MACROD2: variants seen among roughly 807,000 people sequenced by gnomAD.
MACROD2 encodes ADP-ribose glycohydrolase MACROD2.
MACROD2 carries 36 observed loss-of-function variants against 70.4 expected under a neutral mutation model. The observed-to-expected ratio is 0.51, with a 90% CI of 0.39 to 0.68. The LOEUF is 0.68. Ranked by LOEUF, MACROD2 falls within the 30% of genes least tolerant of loss-of-function variation. MACROD2 has a pLI of 0.00. For synonymous variants in MACROD2, 172 were observed against 178.8 expected, an observed-to-expected ratio of 0.96 and a Z score of 0.30; for missense variants, 496 against 538.4, an observed-to-expected ratio of 0.92 and a Z score of 0.78.
At chr20:15,147,429 ATTTTT>A (rs11469255) in intron 5 of MACROD2, among the ~76,000 whole-genome samples, 39 of 149,256 alleles carry the variant, frequency 2.6e-4, no homozygotes, top group East Asian at 1.4e-3. Context: ...CGGAGTTAGC[ATTTTT>A]TTTTTTTTTT....
chr20:15,999,170 A>G (rs2066675148), intron 15 of MACROD2, among the ~76,000 whole-genome samples: 2 of 151,936 alleles, frequency 1.3e-5, no homozygotes, highest in South Asian at 4.2e-4. Context: ...GCATCTTGTA[A>G]GTTTTGTTAT....
chr20:14,384,939 G>A (rs1258438904), intron 3 of MACROD2, among the ~76,000 whole-genome samples: 1 of 152,014 alleles, frequency 6.6e-6, no homozygotes, highest in African/African-American at 2.4e-5. Flanking sequence ...TTATAAATCA[G>A]GAATGCAGGT....
chr20:14,741,037 ATAAT>A (rs1047833036), intron 5 of MACROD2, among the ~76,000 whole-genome samples: 8 of 152,218 alleles, frequency 5.3e-5, no homozygotes, highest in African/African-American at 7.2e-5. Flanking sequence ...TCATCCAGAA[ATAAT>A]TAATCTGACT....
rs144923769 is a variant in MACROD2 at position 14,683,508 on chromosome 20, G to A, written c.302-1335G>A. On this transcript the variant is annotated intron_variant, in intron 4 of 17. Coordinates refer to ENST00000684519, the MANE Select transcript of MACROD2 (RefSeq NM_001351661.2). ...AATTTATTTTTTTGTGAGTGTCTTT[G>A]AGGTTGAGGATCATTGTCAAACTTT... Among the ~76,000 whole-genome samples the A allele has an allele frequency of 6.5e-3, 990 of 152,258 alleles. 6 individuals are homozygous for A. The highest frequency in any genetic ancestry group is 7.9e-3 in the Non-Finnish European group (534 of 68,014).
intron 3 of MACROD2, among the ~76,000 whole-genome samples, chr20:14,404,634 AC>A (rs2083674178): frequency 6.6e-6 from 1 of 152,126 alleles, no homozygotes; most frequent in African/African-American, 2.4e-5. Flanking sequence ...ACCCTGAAAA[AC>A]CTTAGTGGAA....
intron 4 of MACROD2, among the ~76,000 whole-genome samples, chr20:14,505,907 T>C (rs1248015254): frequency 6.6e-6 from 1 of 152,244 alleles, no homozygotes; most frequent in Non-Finnish European, 1.5e-5. Flanking sequence ...TTTAGTACTC[T>C]TAACATCTAA....
At chr20:14,229,431 C>T (rs2081779158) in intron 3 of MACROD2, among the ~76,000 whole-genome samples, 1 of 152,142 alleles carries the variant, frequency 6.6e-6, no homozygotes, top group South Asian at 2.1e-4. Context: ...AGATACTTCA[C>T]TAAATAAGAT....
intron 5 of MACROD2, among the ~76,000 whole-genome samples, chr20:14,858,116 T>G (rs1487588293): frequency 6.6e-6 from 1 of 152,156 alleles, no homozygotes; most frequent in Admixed American, 6.5e-5. Context: ...CCACAGTGCC[T>G]GGCCGAGGAA....
At chr20:15,640,943 C>T (rs536382370) in intron 8 of MACROD2, among the ~76,000 whole-genome samples, 12 of 152,324 alleles carry the variant, frequency 7.9e-5, no homozygotes, top group Admixed American at 3.3e-4. Context: ...GGAAGCTTTC[C>T]TTTAAATTTC....
intron 6 of MACROD2, among the ~76,000 whole-genome samples, chr20:15,388,393 A>G (rs2045748844): frequency 6.6e-6 from 1 of 152,180 alleles, no homozygotes; most frequent in Non-Finnish European, 1.5e-5. Flanking sequence ...CTTAGAAAGG[A>G]AACCATATTA....
intron 3 of MACROD2, among the ~76,000 whole-genome samples, chr20:14,312,150 G>A (rs2082573372): frequency 6.6e-6 from 1 of 151,962 alleles, no homozygotes; most frequent in Non-Finnish European, 1.5e-5. Flanking sequence ...GGGATTCTTA[G>A]CCTGCCTAGC....
At chr20:14,462,881 T>C (rs1240531501) in intron 3 of MACROD2, among the ~76,000 whole-genome samples, 1 of 152,014 alleles carries the variant, frequency 6.6e-6, no homozygotes, top group Non-Finnish European at 1.5e-5. Context: ...TCTGTTCTGT[T>C]CCATTGGTCT....
chr20:14,619,523 GGA>G (rs1983705240), intron 4 of MACROD2, among the ~76,000 whole-genome samples: 1 of 110,746 alleles, frequency 9.0e-6, no homozygotes. Context: ...AAGGAGGGAA[GGA>G]GGGAGGGAAG....
chr20:15,277,467 A>G (rs1039924206), intron 6 of MACROD2, among the ~76,000 whole-genome samples: 1 of 152,210 alleles, frequency 6.6e-6, no homozygotes, highest in Non-Finnish European at 1.5e-5. Flanking sequence ...AGAAAGATTG[A>G]ATATTTCTTA....
At chr20:14,333,905 G>C (rs2082888184) in intron 3 of MACROD2, among the ~76,000 whole-genome samples, 1 of 152,208 alleles carries the variant, frequency 6.6e-6, no homozygotes, top group African/African-American at 2.4e-5. Flanking sequence ...AATGTGGTCT[G>C]TGGGTTTTCT....
At chr20:15,930,660 G>A (rs760668571) in intron 10 of MACROD2, among the ~76,000 whole-genome samples, 21 of 152,166 alleles carry the variant, frequency 1.4e-4, no homozygotes, top group Non-Finnish European at 2.4e-4. Context: ...CAGAAATACT[G>A]CAAATAGAAA....
intron 8 of MACROD2, among the ~76,000 whole-genome samples, chr20:15,700,106 G>T (rs1282668079): frequency 6.6e-6 from 1 of 152,172 alleles, no homozygotes; most frequent in Non-Finnish European, 1.5e-5. Flanking sequence ...ATATTTGGGG[G>T]TCTCTCGGGT....
rs144655740 is a variant in MACROD2, at chr20:15,347,285, G to C, written c.541-84120G>C. Among the ~76,000 whole-genome samples the C allele has an allele frequency of 7.4e-4, 112 of 152,262 alleles. 1 individual carries two copies. Among genetic ancestry groups the C allele is most frequent in the Non-Finnish European group, 1.4e-3 (95 of 68,018 alleles). On this transcript the variant is annotated intron_variant, in intron 6 of 17. Coordinates refer to ENST00000684519, the MANE Select transcript of MACROD2 (RefSeq NM_001351661.2). ...TCACATAGCAAAGGATTCTGCTGGA[G>C]TATATGAGTTCCAAGGTATTTTTTT...
chr20:15,146,392 C>G (rs2076230501), intron 5 of MACROD2, among the ~76,000 whole-genome samples: 1 of 152,074 alleles, frequency 6.6e-6, no homozygotes, highest in Non-Finnish European at 1.5e-5. Flanking sequence ...AAATCAGGGC[C>G]TTGTTTTCTT....
Sources: gnomAD v4.1 joint callset for allele counts (sites outside exome capture counted in the v4.1 genomes callset) on GRCh38, gnomAD v4.1.1 for gene constraint, MANE v1.5 for transcripts, NCBI Gene and HGNC (gene_info 2026-07-23, HGNC 2026-07-21) for gene names.